The following ETNK1 variants were observed in gnomAD, a reference collection of about 807,000 sequenced individuals.
ETNK1 encodes the protein ethanolamine kinase 1, also known as putative protein product of Nbla10396.
In ETNK1, 8 loss-of-function variants were observed where a neutral mutation model predicts 45.1. That is an observed-to-expected ratio of 0.18 (90% confidence interval 0.10 to 0.32). The LOEUF is 0.32. Ranked by LOEUF, ETNK1 falls within the 10% of genes least tolerant of loss-of-function variation. The probability of loss-of-function intolerance (pLI) is 1.00; values close to 1 mark genes in which losing one functional copy is unlikely to be tolerated. For synonymous variants in ETNK1, 152 were observed against 151.9 expected, an observed-to-expected ratio of 1.00 and a Z score of -0.01; for missense variants, 302 against 430.6, an observed-to-expected ratio of 0.70 and a Z score of 2.64.
At position 22,679,604 on chromosome 12, in the gene ETNK1, C is replaced by T. The variant is rs7976169; in HGVS notation, c.946-4879C>T. On this transcript the variant is annotated intron_variant, in intron 6 of 7. Transcript: ENST00000266517. ...ACCTAACATTAACCATCATAGGGTC[C>T]GATAAGACTTCGCATTCTCCTAGGG... Among the ~76,000 whole-genome samples, 474 of 152,154 alleles carry T rather than the reference C, an allele frequency of 3.1e-3. 1 individual carries two copies. The highest frequency in any genetic ancestry group is 5.3e-3 in the Non-Finnish European group (362 of 68,004).
intron 6 of ETNK1, among the ~76,000 whole-genome samples, chr12:22,683,042 T>C (rs187238189): frequency 6.6e-6 from 1 of 152,320 alleles, no homozygotes; most frequent in Admixed American, 6.5e-5. Context: ...AGCATTCTAT[T>C]GAATATTTGT....
intron 2 of ETNK1, chr12:22,644,391 A>G: frequency 7.6e-7 from 1 of 1,317,920 alleles, no homozygotes; most frequent in Non-Finnish European, 9.8e-7. Context: ...CTTGCCTATT[A>G]AAATTTTATT....
At chr12:22,667,861 T>G (rs1954069205) in intron 4 of ETNK1, among the ~76,000 whole-genome samples, 1 of 152,200 alleles carries the variant, frequency 6.6e-6, no homozygotes, top group South Asian at 2.1e-4. Context: ...CTTTAAAAAT[T>G]GGCAGAGTAT....
At chr12:22,680,908 A>T (rs1244269787) in intron 6 of ETNK1, among the ~76,000 whole-genome samples, 1 of 43,756 alleles carries the variant, frequency 2.3e-5, no homozygotes, top group Non-Finnish European at 4.6e-5. Context: ...CCCCCCCTCC[A>T]TTATATGCAC....
At chr12:22,632,305 T>A (rs1474299416) in intron 1 of ETNK1, among the ~76,000 whole-genome samples, 4 of 152,054 alleles carry the variant, frequency 2.6e-5, no homozygotes, top group African/African-American at 9.7e-5. Context: ...ACCGTTTTAT[T>A]TTTATTACCT....
Position 22,625,593 on chromosome 12 carries a change from C to T in ETNK1, c.156+7C>T. 1 of 1,575,210 alleles carries T rather than the reference C, an allele frequency of 6.3e-7. No individual in the cohort carries two copies. Among genetic ancestry groups the T allele is most frequent in the South Asian group, 1.1e-5 (1 of 87,142 alleles). On this transcript the variant is annotated splice_region_variant and intron_variant, in intron 1 of 7. Transcript: ENST00000266517. Reference sequence around the variant, plus strand: ...CCAGGAGGTGACCCTGCAGGTAACGCCCACACCTCAGCTCTGGGTCTCTTA... The same window carrying T: ...CCAGGAGGTGACCCTGCAGGTAACGTCCACACCTCAGCTCTGGGTCTCTTA...
In ETNK1 at chr12:22,625,478, G is replaced by A. The variant is rs1953478322; in HGVS notation, c.48G>A (p.Lys16=). The A allele has an allele frequency of 6.2e-7, 1 of 1,604,084 alleles. No individual in the cohort carries two copies. Among genetic ancestry groups the A allele is most frequent in the South Asian group, 1.1e-5 (1 of 89,646 alleles). The change falls in exon 1 of 8, where the codon AAG becomes AAA. Residue 16 remains lysine, a synonymous_variant. Coordinates refer to ENST00000266517, the MANE Select transcript of ETNK1 (RefSeq NM_018638.5). ...HVPPGSPEVP[K]LNVTVQDQEE... ...CTCCCGGCTCCCCGGAGGTGCCCAAGCTGAACGTCACCGTTCAGGATCAGG... is the reference window on the plus strand; with the variant it reads ...CTCCCGGCTCCCCGGAGGTGCCCAAACTGAACGTCACCGTTCAGGATCAGG...
chr12:22,667,473 C>G (rs1296901864), intron 4 of ETNK1, among the ~76,000 whole-genome samples: 1 of 152,134 alleles, frequency 6.6e-6, no homozygotes, highest in Non-Finnish European at 1.5e-5. Flanking sequence ...GGAGTCCAAT[C>G]ACTGAACAGA....
intron 2 of ETNK1, among the ~76,000 whole-genome samples, chr12:22,658,573 T>A (rs1355679106): frequency 1.3e-5 from 2 of 151,796 alleles, no homozygotes; most frequent in African/African-American, 4.8e-5. Context: ...GAGATATAGG[T>A]ATAGGGGCCA....
intron 3 of ETNK1, among the ~76,000 whole-genome samples, chr12:22,660,002 C>T (rs1037236449): frequency 2.0e-4 from 29 of 146,468 alleles, no homozygotes; most frequent in African/African-American, 6.5e-4. Context: ...TATAATCCTT[C>T]GAATCCCACA....
intron 2 of ETNK1, among the ~76,000 whole-genome samples, chr12:22,652,376 G>A (rs1417952594): frequency 6.6e-6 from 1 of 152,200 alleles, no homozygotes; most frequent in Non-Finnish European, 1.5e-5. Context: ...ATGCCCAGAA[G>A]TGGAATTGCT....
intron 2 of ETNK1, among the ~76,000 whole-genome samples, chr12:22,647,503 C>G (rs1368671930): frequency 6.6e-6 from 1 of 151,770 alleles, no homozygotes; most frequent in Admixed American, 6.6e-5. Flanking sequence ...ACTAAGGTAC[C>G]TCAACACAAA....
chr12:22,676,094 T>C (rs556010656), intron 6 of ETNK1, among the ~76,000 whole-genome samples: 80 of 152,320 alleles, frequency 5.3e-4, no homozygotes, highest in African/African-American at 1.8e-3. Context: ...TGTGCCATGG[T>C]GGTTTGCTGC....
intron 4 of ETNK1, among the ~76,000 whole-genome samples, chr12:22,667,616 T>A (rs562901006): frequency 2.0e-5 from 3 of 152,304 alleles, no homozygotes; most frequent in Admixed American, 2.0e-4. Context: ...TAGAAAACAT[T>A]TTGCTAACAT....
chr12:22,653,307 T>G (rs892187506), intron 2 of ETNK1, among the ~76,000 whole-genome samples: 15 of 152,168 alleles, frequency 9.9e-5, no homozygotes, highest in African/African-American at 3.6e-4. Context: ...CTTCCAACTT[T>G]ACTCTTCTTT....
At chr12:22,625,623 C>A in intron 1 of ETNK1, 37 bp downstream of exon 1, 3 of 1,531,394 alleles carry the variant, frequency 2.0e-6, no homozygotes, top group Non-Finnish European at 2.6e-6. Flanking sequence ...CTCTTATGCC[C>A]CTCACGCGGC....
At chr12:22,662,250 T>A (rs1954009876) in intron 4 of ETNK1, among the ~76,000 whole-genome samples, 1 of 147,676 alleles carries the variant, frequency 6.8e-6, no homozygotes, top group South Asian at 2.1e-4. Context: ...GTATTTTTTT[T>A]TTTTTTTTTT....
chr12:22,631,390 G>A (rs1018322573), intron 1 of ETNK1, among the ~76,000 whole-genome samples: 1 of 152,056 alleles, frequency 6.6e-6, no homozygotes, highest in Non-Finnish European at 1.5e-5. Context: ...GGTCAGGCTG[G>A]TCTCAAACTC....
chr12:22,668,192 G>A (rs954657255), intron 4 of ETNK1, among the ~76,000 whole-genome samples: 6 of 152,240 alleles, frequency 3.9e-5, no homozygotes, highest in Admixed American at 3.3e-4. Flanking sequence ...GAATATTCTA[G>A]TTGTCTTTTC....
Sources: allele counts gnomAD v4.1 joint callset (sites outside exome capture counted in the v4.1 genomes callset), GRCh38; gene constraint gnomAD v4.1.1; transcripts MANE v1.5; gene names NCBI Gene and HGNC (gene_info 2026-07-23, HGNC 2026-07-21).